The following SLC48A1 variants were observed in gnomAD, a reference collection of about 807,000 sequenced individuals.
The protein encoded by SLC48A1 is solute carrier family 48 member 1.
In SLC48A1, 6 loss-of-function variants were observed where a neutral mutation model predicts 14.8. The ratio of observed to expected loss-of-function variants is 0.41; its 90% CI spans 0.22 to 0.80. SLC48A1 has a LOEUF of 0.80. Among genes scored for constraint, SLC48A1 ranks in the 30% least tolerant of loss-of-function variants. The pLI is 0.34. For synonymous variants in SLC48A1, 89 were observed against 90.0 expected (o/e 0.99, Z 0.06); for missense variants, 165 against 204.8 (o/e 0.81, Z 1.19).
upstream of SLC48A1, among the ~76,000 whole-genome samples, chr12:47,772,886 T>A (rs568901415): frequency 2.6e-5 from 4 of 152,344 alleles, no homozygotes; most frequent in African/African-American, 9.6e-5. Context: ...AAGTTTTACC[T>A]ATTAATTTTT....
chr12:47,770,810 C>T (rs1216970554), upstream of SLC48A1: 2 of 456,674 alleles, frequency 4.4e-6, no homozygotes, highest in Non-Finnish European at 4.4e-6. Context: ...ATCTCCAAAC[C>T]CGCTACTCTA....
Position 47,780,139 on chromosome 12 carries a change from C to T in SLC48A1, c.305-6C>T, listed in dbSNP as rs1397539870. 3 of 1,577,700 alleles carry T rather than the reference C, an allele frequency of 1.9e-6. No individual in the cohort carries two copies. Among genetic ancestry groups the T allele is most frequent in the East Asian group, 2.3e-5 (1 of 44,222 alleles). On this transcript the variant is annotated splice_polypyrimidine_tract_variant and splice_region_variant and intron_variant, in intron 2 of 2. Coordinates refer to ENST00000442218, the MANE Select transcript of SLC48A1 (RefSeq NM_017842.3). Reference sequence around the variant, plus strand: ...AAAGTCACTGTCGGTACTTCTCTCCCTGCAGGCCTCACAGACCCCACCAGC... The same window carrying T: ...AAAGTCACTGTCGGTACTTCTCTCCTTGCAGGCCTCACAGACCCCACCAGC...
Position 47,775,620 on chromosome 12 carries a change from TTAAC to T in SLC48A1, c.136+2185_136+2188del, listed in dbSNP as rs367702982. 1.4e-3 allele frequency among the ~76,000 whole-genome samples: 216 copies of T among 152,330 alleles called. 2 individuals carry two copies. Among genetic ancestry groups the T allele is most frequent in the African/African-American group, 4.9e-3 (203 of 41,572 alleles). Reference sequence around the variant, plus strand: ...CTTTTGGGGGTAAAGTGTCAGCAGATTAACTAACGTGTGAGCACCCTACTTCTGA... The same window carrying T: ...CTTTTGGGGGTAAAGTGTCAGCAGATTAACGTGTGAGCACCCTACTTCTGA... On this transcript the variant is annotated intron_variant, in intron 1 of 2. Coordinates refer to ENST00000442218, the MANE Select transcript of SLC48A1 (RefSeq NM_017842.3).
rs115389362 is a variant in SLC48A1, at chr12:47,762,644, T to C, written c.-187+2243T>C. Among the ~76,000 whole-genome samples the C allele has an allele frequency of 2.6e-3, 394 of 152,294 alleles. 2 individuals are homozygous for C. The highest frequency in any genetic ancestry group is 9.0e-3 in the African/African-American group (375 of 41,554). On this transcript the variant is annotated intron_variant, in intron 2 of 4. Transcript: ENST00000547002. ...TACATCTTTTTATCCTCAGAACAAT[T>C]CCTATTTGCGAGTGAGGAAACTGAG...
At chr12:47,758,805 C>T in intron 1 of SLC48A1, 1 of 1,234,890 alleles carries the variant, frequency 8.1e-7, no homozygotes, top group Non-Finnish European at 1.0e-6. Context: ...CCACCGGCGA[C>T]AGGGAGCCCC....
intron 2 of SLC48A1, among the ~76,000 whole-genome samples, chr12:47,763,272 C>T (rs1228339565): frequency 6.6e-6 from 1 of 152,198 alleles, no homozygotes; most frequent in Non-Finnish European, 1.5e-5. Flanking sequence ...TCACAAGGCT[C>T]AGCCGTGACA....
At chr12:47,779,625 C>T (rs1037738109) in intron 2 of SLC48A1, among the ~76,000 whole-genome samples, 2 of 152,284 alleles carry the variant, frequency 1.3e-5, no homozygotes, top group South Asian at 2.1e-4. Context: ...CCCTGCCCTT[C>T]CCTAATCCCC....
intron 2 of SLC48A1, among the ~76,000 whole-genome samples, chr12:47,762,843 C>A (rs12426178): frequency 0.19 from 28,971 of 152,170 alleles, 3,169 homozygotes; most frequent in African/African-American, 0.3. Context: ...TGCAATGCCA[C>A]AAGAATATTC....
chr12:47,759,782 G>A (rs192990066), intron 1 of SLC48A1, among the ~76,000 whole-genome samples: 15 of 152,350 alleles, frequency 9.8e-5, no homozygotes, highest in Non-Finnish European at 1.9e-4. Flanking sequence ...ATGAGGGTTT[G>A]GAAGGAGGTG....
At chr12:47,758,269 T>A, upstream of SLC48A1, 1 of 1,431,906 alleles carries the variant, frequency 7.0e-7, no homozygotes, top group Non-Finnish European at 9.1e-7. Context: ...CTGGCGCACT[T>A]AGGGGTCTCC....
upstream of SLC48A1, among the ~76,000 whole-genome samples, chr12:47,770,551 T>A (rs530087102): frequency 7.0e-4 from 106 of 152,356 alleles, no homozygotes; most frequent in African/African-American, 2.5e-3. Context: ...GCACTCCTCA[T>A]CACAACACTT....
chr12:47,770,463 C>T (rs1242282292), upstream of SLC48A1, among the ~76,000 whole-genome samples: 1 of 152,188 alleles, frequency 6.6e-6, no homozygotes, highest in Non-Finnish European at 1.5e-5. Flanking sequence ...CCTCTCTTGC[C>T]ATGGCAGCCT....
intron 1 of SLC48A1, among the ~76,000 whole-genome samples, chr12:47,774,490 C>T (rs1942697180): frequency 6.6e-6 from 1 of 152,162 alleles, no homozygotes; most frequent in African/African-American, 2.4e-5. Context: ...TGGGAAAGGA[C>T]TTTGGGAAGA....
At chr12:47,761,358 T>A (rs1389063271) in intron 2 of SLC48A1, among the ~76,000 whole-genome samples, 1 of 152,212 alleles carries the variant, frequency 6.6e-6, no homozygotes, top group East Asian at 1.9e-4. Context: ...CTTTCTTTTT[T>A]CCATTTCTTT....
At position 47,782,258 on chromosome 12, in the gene SLC48A1, G is replaced by A. The variant is rs940956436; in HGVS notation, c.*1977G>A. The A allele has an allele frequency of 1.3e-5, 2 of 152,292 alleles. No homozygotes were observed. The highest frequency in any genetic ancestry group is 2.9e-5 in the Non-Finnish European group (2 of 68,082). 9.4% of individuals were successfully genotyped at this position (152,292 alleles called of 1,614,324 possible). On this transcript the variant is annotated 3_prime_UTR_variant, in exon 3 of 3. Coordinates refer to ENST00000442218, the MANE Select transcript of SLC48A1 (RefSeq NM_017842.3). ...AATCAGGCATGGTGCATCAGAGCGG[G>A]AAGGAGCCATCAACAGTGTATACTT...
At position 47,773,260 on chromosome 12, in the gene SLC48A1, ACT is replaced by A; in HGVS notation, c.-41_-40del. On this transcript the variant is annotated 5_prime_UTR_variant, in exon 1 of 3. Transcript: ENST00000442218. ...GGCGGCTTCGGGCCCTGCACCTGTG[ACT>A]CTCGGCCGCGCTCGCCCTCGGCCCG... is the stretch of plus-strand genomic sequence containing the variant. 7.7e-7 allele frequency: 1 copy of A among 1,300,566 alleles called. No individual in the cohort carries two copies. Among genetic ancestry groups the A allele is most frequent in the Non-Finnish European group, 9.8e-7 (1 of 1,021,802 alleles). 80.6% of individuals were successfully genotyped at this position (1,300,566 alleles called of 1,614,324 possible).
At chr12:47,776,309 A>C (rs892575369) in intron 1 of SLC48A1, among the ~76,000 whole-genome samples, 2 of 152,224 alleles carry the variant, frequency 1.3e-5, no homozygotes, top group Non-Finnish European at 2.9e-5. Flanking sequence ...TGAAACAGGT[A>C]GGATGGAGCA....
chr12:47,773,438 C>T lies in SLC48A1; in HGVS notation c.134C>T (p.Ala45Val). Residue 45 changes from alanine (A) to valine (V), a missense_variant and splice_region_variant, in exon 1 of 3, where the codon GCA (alanine) becomes GTA (valine). Ala to Val is a moderately conservative substitution (Grantham distance 64). Coordinates refer to ENST00000442218, the MANE Select transcript of SLC48A1 (RefSeq NM_017842.3). The stretch of plus-strand genomic sequence containing the variant: ...GGGACCGCGGCCATGGGAGGGCTCG[C>T]AGGTACCCCGGGACGCTGGGCGGCG... ...QPGTAAMGGLAGVLALWVLVT... is the reference protein window; with the variant it reads ...QPGTAAMGGLVGVLALWVLVT... The T allele has an allele frequency of 7.1e-7, 1 of 1,406,870 alleles. No individual in the cohort carries two copies. The highest frequency in any genetic ancestry group is 9.3e-7 in the Non-Finnish European group (1 of 1,073,356). 87.1% of individuals were successfully genotyped at this position (1,406,870 alleles called of 1,614,324 possible).
At chr12:47,773,558 C>G in intron 1 of SLC48A1, 118 bp downstream of exon 1, 11 of 1,221,828 alleles carry the variant, frequency 9.0e-6, no homozygotes, top group Non-Finnish European at 1.1e-5. Context: ...GGAGTGTTTA[C>G]TCGAAAACAG....
Sources: allele counts gnomAD v4.1 joint callset (sites outside exome capture counted in the v4.1 genomes callset), GRCh38; gene constraint gnomAD v4.1.1; transcripts MANE v1.5; gene names NCBI Gene and HGNC (gene_info 2026-07-23, HGNC 2026-07-21).